Variants in PDE10A observed in about 807,000 individuals in gnomAD.
PDE10A encodes phosphodiesterase 10A.
PDE10A carries 39 observed loss-of-function variants against 97.7 expected under a neutral mutation model. That is an observed-to-expected ratio of 0.40 (90% CI 0.31 to 0.52). The LOEUF (loss-of-function observed/expected upper bound fraction) is 0.52, where lower values mean the gene tolerates loss of function less well. Ranked by LOEUF, PDE10A falls within the 20% of genes least tolerant of loss-of-function variation. The pLI is 0.56. For synonymous variants in PDE10A, 371 were observed against 376.8 expected, an observed-to-expected ratio of 0.98 and a Z score of 0.18; for missense variants, 731 against 1,047.8, an observed-to-expected ratio of 0.70 and a Z score of 4.17.
intron 1 of PDE10A, among the ~76,000 whole-genome samples, chr6:165,910,418 TC>T (rs1782421567): frequency 6.6e-6 from 1 of 152,212 alleles, no homozygotes; most frequent in South Asian, 2.1e-4. Context: ...TGCTGACAAA[TC>T]TGCAAAGTAC....
chr6:165,925,159 G>T (rs1782895830), intron 1 of PDE10A, among the ~76,000 whole-genome samples: 1 of 152,190 alleles, frequency 6.6e-6, no homozygotes, highest in African/African-American at 2.4e-5. Context: ...AACACCATCT[G>T]CCATTAGAAA....
At chr6:165,675,830 TA>T (rs1318727599) in intron 1 of PDE10A, among the ~76,000 whole-genome samples, 5 of 152,204 alleles carry the variant, frequency 3.3e-5, no homozygotes, top group Non-Finnish European at 5.9e-5. Context: ...GAATGGAAAA[TA>T]AAAGGTAATA....
chr6:165,958,579 A>G lies in PDE10A; in HGVS notation c.-615+28950T>C, dbSNP rs867487489. On this transcript the variant is annotated intron_variant, in intron 1 of 19. Coordinates refer to the PDE10A transcript ENST00000366882. Reference sequence around the variant, plus strand: ...AAAGAAAGAAAGACAGACAGAAAGAAAGACAGAAAGAGAGAAAGAAAGAGA... The same window carrying G: ...AAAGAAAGAAAGACAGACAGAAAGAGAGACAGAAAGAGAGAAAGAAAGAGA... Among the ~76,000 whole-genome samples the G allele has an allele frequency of 2.1e-3, 72 of 34,494 alleles. 4 individuals are homozygous for G. Among genetic ancestry groups the G allele is most frequent in the African/African-American group, 7.8e-3 (68 of 8,720 alleles). The allele number at this position is 34,494 out of a possible 152,430, so 22.6% of individuals were successfully genotyped here.
At chr6:165,657,354 T>G (rs931210295) in intron 1 of PDE10A, among the ~76,000 whole-genome samples, 2 of 152,264 alleles carry the variant, frequency 1.3e-5, no homozygotes, top group Non-Finnish European at 2.9e-5. Flanking sequence ...TGGAGGAGCC[T>G]AATTTACATT....
At chr6:165,374,089 G>A (rs1299891770) in intron 18 of PDE10A, among the ~76,000 whole-genome samples, 1 of 108,038 alleles carries the variant, frequency 9.3e-6, no homozygotes, top group Non-Finnish European at 1.8e-5. Flanking sequence ...GTGGGGTGGG[G>A]GGAGGGGGGA....
At chr6:165,651,291 G>A (rs566827778) in intron 1 of PDE10A, among the ~76,000 whole-genome samples, 20 of 152,234 alleles carry the variant, frequency 1.3e-4, no homozygotes, top group African/African-American at 2.9e-4. Flanking sequence ...CTTCCCTTCC[G>A]TTGTGATTTG....
chr6:165,428,828 C>A, intron 9 of PDE10A, 119 bp from the exon 10 acceptor site: 1 of 499,834 alleles, frequency 2.0e-6, no homozygotes, highest in Non-Finnish European at 3.5e-6. Flanking sequence ...AGATAAATGT[C>A]ATTTGATTTT....
rs777543292 is a variant in PDE10A, at chr6:165,413,481, A to G, written c.2076+20T>C. On this transcript the variant is annotated intron_variant, in intron 13 of 21. Transcript: ENST00000539869. ...TTAATATTGAGTAGTAAAAAATGGT[A>G]TTTAATAAATAGTACTTACATTAGC... 1 of 1,544,978 alleles carries G rather than the reference A, an allele frequency of 6.5e-7. No individual in the cohort carries two copies. Among genetic ancestry groups the G allele is most frequent in the Admixed American group, 1.7e-5 (1 of 57,650 alleles).
At chr6:165,501,288 G>A (rs575716428) in intron 2 of PDE10A, among the ~76,000 whole-genome samples, 4 of 152,152 alleles carry the variant, frequency 2.6e-5, no homozygotes, top group Admixed American at 6.5e-5. Flanking sequence ...GAGGCCAGGC[G>A]CAGTGGCTCA....
At chr6:165,559,352 G>T (rs767234795) in intron 1 of PDE10A, among the ~76,000 whole-genome samples, 1 of 152,188 alleles carries the variant, frequency 6.6e-6, no homozygotes, top group Admixed American at 6.5e-5. Context: ...AATAGCTGAA[G>T]ATTTACAAGT....
At chr6:165,885,151 C>T (rs958926697) in intron 1 of PDE10A, among the ~76,000 whole-genome samples, 5 of 152,130 alleles carry the variant, frequency 3.3e-5, no homozygotes, top group African/African-American at 1.2e-4. Context: ...AACATGATGT[C>T]TCTTTTTAAA....
At chr6:165,931,376 T>C (rs953051097) in intron 1 of PDE10A, among the ~76,000 whole-genome samples, 1 of 152,222 alleles carries the variant, frequency 6.6e-6, no homozygotes, top group African/African-American at 2.4e-5. Context: ...ACGTATTTAT[T>C]GAAAGACGAA....
At chr6:165,890,267 C>T (rs908685617) in intron 1 of PDE10A, among the ~76,000 whole-genome samples, 2 of 152,146 alleles carry the variant, frequency 1.3e-5, no homozygotes, top group Non-Finnish European at 2.9e-5. Context: ...CTCTTTCCCA[C>T]TTGATGGCAG....
Position 165,543,488 on chromosome 6 carries a change from C to A in PDE10A, c.946G>T (p.Ala316Ser), listed in dbSNP as rs1783571510. ...LDEFVSESVS[A>S]ETVEKWLKRK... ...TTCAGCCATTTCTCTACTGTCTCTG[C>A]ACTAACACTTTCAGATACAAATTCA... is the stretch of plus-strand genomic sequence containing the variant. The change falls in exon 2 of 22, where the codon GCA becomes TCA. Residue 316 changes from alanine (A) to serine (S), a missense_variant. By Grantham distance (99) the Ala-to-Ser change is moderately conservative. Transcript: ENST00000539869. 2 of 1,612,476 alleles carry A rather than the reference C, an allele frequency of 1.2e-6. No individual in the cohort carries two copies. Among genetic ancestry groups the A allele is most frequent in the African/African-American group, 1.3e-5 (1 of 74,884 alleles).
chr6:165,403,148 G>A (rs1417503899), intron 13 of PDE10A, among the ~76,000 whole-genome samples: 1 of 152,172 alleles, frequency 6.6e-6, no homozygotes, highest in Non-Finnish European at 1.5e-5. Context: ...AAAGGCTAAG[G>A]AAAAGCACTG....
chr6:165,673,011 A>G (rs9348030), intron 1 of PDE10A, among the ~76,000 whole-genome samples: 71,414 of 151,958 alleles, frequency 0.47, 17,397 homozygotes, highest in East Asian at 0.74. Flanking sequence ...CACCTTTGCC[A>G]TGAATTAAAT....
intron 1 of PDE10A, among the ~76,000 whole-genome samples, chr6:165,964,475 G>A (rs547184587): frequency 6.6e-6 from 1 of 152,280 alleles, no homozygotes; most frequent in East Asian, 1.9e-4. Flanking sequence ...GATGAAATCT[G>A]GGCGTAATGG....
intron 1 of PDE10A, among the ~76,000 whole-genome samples, chr6:165,932,747 C>A (rs548538328): frequency 6.6e-6 from 1 of 152,356 alleles, no homozygotes; most frequent in South Asian, 2.1e-4. Flanking sequence ...GCTGGGATTA[C>A]AGGCATGAGC....
chr6:165,458,170 A>G (rs557137156), intron 3 of PDE10A, among the ~76,000 whole-genome samples: 41 of 152,270 alleles, frequency 2.7e-4, no homozygotes, highest in Admixed American at 4.6e-4. Flanking sequence ...TTATTTTGAC[A>G]TAATTTCGAT....
Sources: allele counts gnomAD v4.1 joint callset (sites outside exome capture counted in the v4.1 genomes callset), GRCh38; gene constraint gnomAD v4.1.1; transcripts MANE v1.5; gene names NCBI Gene and HGNC (gene_info 2026-07-23, HGNC 2026-07-21).